Variants in CCNH observed in about 807,000 individuals in gnomAD.
The protein encoded by CCNH is cyclin-H.
Under a neutral mutation model 41.9 loss-of-function variants are expected in CCNH, and 31 were observed. That is an observed-to-expected ratio of 0.74 (90% CI 0.56 to 1.00). The LOEUF (loss-of-function observed/expected upper bound fraction) is 1.00, where lower values mean the gene tolerates loss of function less well. Among genes scored for constraint, CCNH ranks in the 50% least tolerant of loss-of-function variants. The pLI is 0.00. For synonymous variants in CCNH, 138 were observed against 136.1 expected (o/e 1.01, Z -0.10); for missense variants, 362 against 388.4 (o/e 0.93, Z 0.57).
downstream of CCNH, chr5:87,374,821 T>C (rs1761211928): frequency 1.2e-6 from 2 of 1,608,900 alleles, no homozygotes; most frequent in Non-Finnish European, 1.7e-6. Flanking sequence ...GTTAATTCTT[T>C]TTCTCCTTGC....
chr5:87,404,871 G>T lies in CCNH; in HGVS notation c.662C>A (p.Ala221Asp), dbSNP rs764661724. 1.2e-6 allele frequency: 2 copies of T among 1,613,196 alleles called. No homozygotes were observed. The highest frequency in any genetic ancestry group is 1.7e-6 in the Non-Finnish European group (2 of 1,179,556). Residue 221 changes from alanine to aspartate, a missense_variant, in exon 5 of 9, where the codon GCC becomes GAC. Transcript: ENST00000256897. Reference protein sequence around the residue: ...QIALTAILSSASRAGITMESY... With the variant: ...QIALTAILSSDSRAGITMESY... The stretch of plus-strand genomic sequence containing the variant: ...TTCCATAGTAATTCCAGCCCTGGAG[G>T]CACTAGATAAAATGGCAGTCAGGGC...
At chr5:87,388,980 GA>G (rs1264835459), downstream of CCNH, among the ~76,000 whole-genome samples, 1 of 151,778 alleles carries the variant, frequency 6.6e-6, no homozygotes, top group Admixed American at 6.6e-5. Flanking sequence ...TCATGCTACG[GA>G]AAAAAATGGA....
At chr5:87,395,992 C>T (rs1762927274) in intron 7 of CCNH, among the ~76,000 whole-genome samples, 1 of 151,794 alleles carries the variant, frequency 6.6e-6, no homozygotes, top group African/African-American at 2.4e-5. Context: ...AATCAGCCTT[C>T]TGTATCCTGT....
rs1561292504 is a variant in CCNH at position 87,338,534 on chromosome 5, A to ATATATATATATAT, written c.*91-19638_*91-19637insATATATATATATA. Among the ~76,000 whole-genome samples the ATATATATATATAT allele has an allele frequency of 1.2e-3, 56 of 46,084 alleles. 1 individual carries two copies. Among genetic ancestry groups the ATATATATATATAT allele is most frequent in the South Asian group, 3.0e-3 (4 of 1,354 alleles). 30.2% of individuals were successfully genotyped at this position (46,084 alleles called of 152,430 possible). On this transcript the variant is annotated intron_variant and NMD_transcript_variant, in intron 9 of 9. Transcript: ENST00000645953. ...ATATATATATATATATATATATATAAAATTTTTTTTTTTTTTAAGTAGAAA... is the reference window on the plus strand; with the variant it reads ...ATATATATATATATATATATATATAATATATATATATATAATTTTTTTTTTTTTTAAGTAGAAA...
At chr5:87,399,717 T>A (rs922181493) in intron 6 of CCNH, among the ~76,000 whole-genome samples, 1 of 152,214 alleles carries the variant, frequency 6.6e-6, no homozygotes, top group Admixed American at 6.5e-5. Context: ...CTCTGCTGTT[T>A]AGCCCATATC....
At chr5:87,395,854 CAGAG>C (rs564891945) in intron 7 of CCNH, among the ~76,000 whole-genome samples, 280 of 152,128 alleles carry the variant, frequency 1.8e-3, no homozygotes, top group African/African-American at 4.6e-3. Context: ...ACCTGGATGA[CAGAG>C]AGAAGACTTT....
intron 4 of CCNH, among the ~76,000 whole-genome samples, chr5:87,407,637 G>A (rs1008544609): frequency 2.0e-5 from 3 of 152,102 alleles, no homozygotes; most frequent in African/African-American, 7.2e-5. Flanking sequence ...TTCAAAGTTA[G>A]AAGAGTTATC....
downstream of CCNH, among the ~76,000 whole-genome samples, chr5:87,388,491 T>C (rs994679703): frequency 6.6e-6 from 1 of 152,230 alleles, no homozygotes; most frequent in Non-Finnish European, 1.5e-5. Flanking sequence ...TCTCCAATTT[T>C]GGATTTTTGG....
At chr5:87,359,547 T>A (rs1759918549) in intron 9 of CCNH, among the ~76,000 whole-genome samples, 1 of 152,176 alleles carries the variant, frequency 6.6e-6, no homozygotes, top group Non-Finnish European at 1.5e-5. Context: ...AATCAAGTAT[T>A]TAAATCCAAA....
chr5:87,317,441 T>C (rs1224017906), downstream of CCNH, among the ~76,000 whole-genome samples: 2 of 152,170 alleles, frequency 1.3e-5, no homozygotes, highest in Non-Finnish European at 2.9e-5. Context: ...TTAGACTAGA[T>C]ATCTGAAAGC....
intron 6 of CCNH, among the ~76,000 whole-genome samples, 183 bp downstream of exon 6, chr5:87,401,519 C>G (rs1162548454): frequency 6.6e-6 from 1 of 152,082 alleles, no homozygotes; most frequent in African/African-American, 2.4e-5. Flanking sequence ...AACACTACTT[C>G]CTTCTATATA....
At chr5:87,384,075 T>C (rs1761909557) in intron 9 of CCNH, among the ~76,000 whole-genome samples, 1 of 152,112 alleles carries the variant, frequency 6.6e-6, no homozygotes, top group South Asian at 2.1e-4. Context: ...CTTCTTGTAG[T>C]CTGCAGCTTG....
intron 4 of CCNH, among the ~76,000 whole-genome samples, chr5:87,407,157 T>C (rs1390301382): frequency 1.3e-5 from 2 of 152,174 alleles, no homozygotes; most frequent in Non-Finnish European, 2.9e-5. Context: ...CTATTCCTAC[T>C]CTGAATTTTA....
downstream of CCNH, among the ~76,000 whole-genome samples, chr5:87,372,681 C>G (rs994708524): frequency 6.6e-6 from 1 of 152,060 alleles, no homozygotes; most frequent in East Asian, 1.9e-4. Flanking sequence ...TTAAGCTAGG[C>G]TTTCTCTTTT....
At chr5:87,406,263 C>G (rs1763782003) in intron 4 of CCNH, among the ~76,000 whole-genome samples, 1 of 152,082 alleles carries the variant, frequency 6.6e-6, no homozygotes, top group African/African-American at 2.4e-5. Context: ...CATGCCAACC[C>G]CCTTCCATCT....
chr5:87,374,390 T>G, downstream of CCNH: 1 of 1,409,786 alleles, frequency 7.1e-7, no homozygotes, highest in Non-Finnish European at 9.7e-7. Flanking sequence ...GTTTTTTTGG[T>G]CTCTGTATCT....
At chr5:87,378,612 C>T (rs1028949094), upstream of CCNH, 2 of 1,398,806 alleles carry the variant, frequency 1.4e-6, no homozygotes, top group Non-Finnish European at 2.0e-6. Context: ...TAGCCAATTA[C>T]ATTTTAAGGA....
chr5:87,399,227 C>T (rs1763202679), intron 7 of CCNH, among the ~76,000 whole-genome samples, 167 bp downstream of exon 7: 1 of 152,070 alleles, frequency 6.6e-6, no homozygotes, highest in South Asian at 2.1e-4. Context: ...CAGTGAATGC[C>T]GAACTATTAC....
At chr5:87,411,950 C>A (rs892454299) in intron 1 of CCNH, among the ~76,000 whole-genome samples, 1 of 152,112 alleles carries the variant, frequency 6.6e-6, no homozygotes, top group Admixed American at 6.5e-5. Context: ...AAAGATTAAA[C>A]CAGTCCGAGA....
Sources: allele counts gnomAD v4.1 joint callset (sites outside exome capture counted in the v4.1 genomes callset), GRCh38; gene constraint gnomAD v4.1.1; transcripts MANE v1.5; gene names NCBI Gene and HGNC (gene_info 2026-07-23, HGNC 2026-07-21).